MAST4: variants seen among roughly 807,000 people sequenced by gnomAD.
MAST4 encodes the protein microtubule associated serine/threonine kinase family member 4, also known as microtubule-associated serine/threonine-protein kinase 4.
Under a neutral mutation model 162.7 loss-of-function variants are expected in MAST4, and 89 were observed. The ratio of observed to expected loss-of-function variants is 0.55; its 90% CI spans 0.46 to 0.65. The LOEUF (loss-of-function observed/expected upper bound fraction) is 0.65, where lower values mean the gene tolerates loss of function less well. Ranked by LOEUF, MAST4 falls within the 30% of genes least tolerant of loss-of-function variation. MAST4 has a pLI of 0.00. For synonymous variants in MAST4, 1,479 were observed against 1,361.1 expected (o/e 1.09, Z -1.91); for missense variants, 3,153 against 3,374.0 (o/e 0.93, Z 1.62).
At chr5:66,661,722 A>T (rs1746923109) in intron 1 of MAST4, among the ~76,000 whole-genome samples, 1 of 152,194 alleles carries the variant, frequency 6.6e-6, no homozygotes, top group South Asian at 2.1e-4. Context: ...AGACCAAAAA[A>T]GAAAACTCAA....
intron 1 of MAST4, among the ~76,000 whole-genome samples, chr5:66,610,531 G>A (rs1357327940): frequency 6.6e-6 from 1 of 152,124 alleles, no homozygotes; most frequent in African/African-American, 2.4e-5. Context: ...GCATCACCAG[G>A]GCCCTCTGCC....
intron 3 of MAST4, among the ~76,000 whole-genome samples, chr5:66,814,986 G>A (rs1487483712): frequency 2.0e-5 from 3 of 152,100 alleles, no homozygotes; most frequent in African/African-American, 7.2e-5. Flanking sequence ...TTTGAATTAT[G>A]TTCTGAAAAT....
chr5:67,123,633 C>G (rs1281458675), intron 14 of MAST4, among the ~76,000 whole-genome samples: 3 of 152,194 alleles, frequency 2.0e-5, no homozygotes, highest in African/African-American at 7.2e-5. Context: ...AATGTTTAGC[C>G]ATCCTAATTG....
At chr5:66,881,764 T>G (rs1344005448) in intron 3 of MAST4, among the ~76,000 whole-genome samples, 1 of 152,206 alleles carries the variant, frequency 6.6e-6, no homozygotes, top group Non-Finnish European at 1.5e-5. Context: ...ATTTGGCTTC[T>G]ATTTATGAAG....
At chr5:66,703,282 T>A (rs1400456782) in intron 1 of MAST4, among the ~76,000 whole-genome samples, 2 of 152,212 alleles carry the variant, frequency 1.3e-5, no homozygotes. Flanking sequence ...GTTTTAAGCT[T>A]ACTTTGTGCA....
At chr5:66,675,504 A>C (rs1356695487) in intron 1 of MAST4, among the ~76,000 whole-genome samples, 2 of 152,100 alleles carry the variant, frequency 1.3e-5, no homozygotes, top group Non-Finnish European at 2.9e-5. Flanking sequence ...CTCCCCCACA[A>C]GTCTCATGTC....
chr5:66,869,345 A>C (rs184935843), intron 3 of MAST4, among the ~76,000 whole-genome samples: 53 of 152,300 alleles, frequency 3.5e-4, no homozygotes, highest in African/African-American at 1.2e-3. Context: ...AAATGGGAAG[A>C]CATGCTCAGG....
intron 1 of MAST4, among the ~76,000 whole-genome samples, chr5:66,690,393 T>A (rs78668486): frequency 6.6e-6 from 1 of 152,194 alleles, no homozygotes; most frequent in Non-Finnish European, 1.5e-5. Flanking sequence ...CAACCCTTAA[T>A]TGAGGAATTG....
chr5:67,003,101 A>T (rs1751475763), intron 4 of MAST4, among the ~76,000 whole-genome samples: 1 of 151,894 alleles, frequency 6.6e-6, no homozygotes, highest in Admixed American at 6.6e-5. Context: ...TCAGCCTTCA[A>T]AACATCTTTT....
At chr5:66,776,902 T>A (rs969856579) in intron 2 of MAST4, among the ~76,000 whole-genome samples, 1 of 152,112 alleles carries the variant, frequency 6.6e-6, no homozygotes, top group Non-Finnish European at 1.5e-5. Context: ...GTAATAGCCT[T>A]CCTGGTTGGC....
At chr5:66,943,402 A>G (rs1302650786) in intron 4 of MAST4, among the ~76,000 whole-genome samples, 2 of 152,108 alleles carry the variant, frequency 1.3e-5, no homozygotes, top group African/African-American at 4.8e-5. Context: ...GCCCTGAGAT[A>G]AAGGAATATT....
intron 3 of MAST4, among the ~76,000 whole-genome samples, chr5:66,804,570 G>A (rs1012858583): frequency 4.6e-5 from 7 of 152,222 alleles, no homozygotes; most frequent in African/African-American, 1.7e-4. Context: ...CTGCCCACTG[G>A]CCAAAGTAAG....
chr5:66,875,503 A>G (rs1186990848), intron 3 of MAST4, among the ~76,000 whole-genome samples: 7 of 152,236 alleles, frequency 4.6e-5, no homozygotes, highest in African/African-American at 1.7e-4. Context: ...TCTGAAAAAT[A>G]GGGAACAAAA....
intron 4 of MAST4, among the ~76,000 whole-genome samples, chr5:66,996,434 A>T (rs914801064): frequency 2.0e-5 from 3 of 151,974 alleles, no homozygotes; most frequent in Admixed American, 2.0e-4. Flanking sequence ...CATATTTTTT[A>T]AAAATATCAT....
rs1561162234 is a variant in MAST4, at chr5:67,145,184, A to G, written c.2899A>G (p.Asn967Asp). The change falls in exon 23 of 29, where the codon AAC becomes GAC. Residue 967 changes from asparagine to aspartate, a missense_variant. By Grantham distance (23) the Asn-to-Asp change is conservative. Around this residue, in one of 7 missense-constraint regions of MAST4, gnomAD observed 619 missense variants for 744.2 expected, o/e 0.83. Coordinates refer to ENST00000403625, the MANE Select transcript of MAST4 (RefSeq NM_001164664.2). ...ATCCAACTCTTCAGATACTGAAAGC[A>G]ACAGACATAAACTCAGTTCTGGCCT... is the stretch of plus-strand genomic sequence containing the variant. ...STSNSSDTESNRHKLSSGLLP... is the reference protein window; with the variant it reads ...STSNSSDTESDRHKLSSGLLP... The G allele has an allele frequency of 6.2e-7, 1 of 1,613,028 alleles. No individual in the cohort carries two copies. The highest frequency in any genetic ancestry group is 8.5e-7 in the Non-Finnish European group (1 of 1,179,470).
intron 4 of MAST4, among the ~76,000 whole-genome samples, chr5:66,961,716 A>G (rs1746040329): frequency 6.6e-6 from 1 of 152,244 alleles, no homozygotes; most frequent in South Asian, 2.1e-4. Context: ...CCGCATAGAG[A>G]CTGGGAATGG....
chr5:66,687,770 G>A (rs780358406), intron 1 of MAST4, among the ~76,000 whole-genome samples: 3 of 152,030 alleles, frequency 2.0e-5, no homozygotes, highest in Admixed American at 6.6e-5. Flanking sequence ...TGTGATAAAC[G>A]TAACAGACCA....
At chr5:67,113,253 G>T (rs1166634515) in intron 11 of MAST4, among the ~76,000 whole-genome samples, 12 of 139,360 alleles carry the variant, frequency 8.6e-5, no homozygotes, top group African/African-American at 2.3e-4. Context: ...GGCGGAGCTT[G>T]CAGTGAGCCG....
Position 66,886,132 on chromosome 5 carries a change from G to A in MAST4, c.643-13819G>A, listed in dbSNP as rs376811541. 1.0e-3 allele frequency among the ~76,000 whole-genome samples: 155 copies of A among 152,310 alleles called. No homozygotes were observed. The Middle Eastern group carries it at 0.024, about 23-fold the overall frequency. ...ACCAGACTTCTGAGCCACTCTGCCA[G>A]GCCATGTACCTGAAGCTCTGCCACC... On this transcript the variant is annotated intron_variant, in intron 3 of 28. Transcript: ENST00000403625.
Sources: allele counts gnomAD v4.1 joint callset (sites outside exome capture counted in the v4.1 genomes callset), GRCh38; gene constraint gnomAD v4.1.1; regional missense constraint gnomAD v4.1.1; transcripts MANE v1.5; gene names NCBI Gene and HGNC (gene_info 2026-07-23, HGNC 2026-07-21).